PDE5A: variants seen among roughly 807,000 people sequenced by gnomAD.
The protein encoded by PDE5A is phosphodiesterase 5A, also known as cGMP-specific 3',5'-cyclic phosphodiesterase.
Under a neutral mutation model 110.2 loss-of-function variants are expected in PDE5A, and 67 were observed. The observed-to-expected ratio is 0.61, with a 90% confidence interval of 0.50 to 0.75. PDE5A has a LOEUF of 0.75. Ranked by LOEUF, PDE5A falls within the 30% of genes least tolerant of loss-of-function variation. The probability of loss-of-function intolerance (pLI) is 0.00; values close to 1 mark genes in which losing one functional copy is unlikely to be tolerated. For missense variants in PDE5A, 862 were observed against 1,045.1 expected (o/e 0.82, Z 2.42); for synonymous variants, 328 against 351.2 (o/e 0.93, Z 0.74).
intron 3 of PDE5A, among the ~76,000 whole-genome samples, chr4:119,590,193 G>A (rs1728917003): frequency 6.6e-6 from 1 of 152,150 alleles, no homozygotes; most frequent in Non-Finnish European, 1.5e-5. Flanking sequence ...ATAAGATAAT[G>A]GGTTACCTCT....
rs575097187 is a variant in PDE5A at position 119,588,890 on chromosome 4, T to C, written c.831+7633A>G. On this transcript the variant is annotated intron_variant, in intron 3 of 20. Coordinates refer to ENST00000354960, the MANE Select transcript of PDE5A (RefSeq NM_001083.4). The stretch of plus-strand genomic sequence containing the variant: ...CACGTTGTAATGAATTTATCCTAAA[T>C]TCTTGATTTTAACTGCCATATTTGC... Among the ~76,000 whole-genome samples the C allele has an allele frequency of 6.0e-4, 92 of 152,326 alleles. 1 individual carries two copies. The highest frequency in any genetic ancestry group is 6.8e-3 in the Middle Eastern group (2 of 294).
At chr4:119,611,260 CATCT>C (rs1484131689) in intron 1 of PDE5A, among the ~76,000 whole-genome samples, 1 of 152,170 alleles carries the variant, frequency 6.6e-6, no homozygotes, top group Non-Finnish European at 1.5e-5. Flanking sequence ...GTTGTTATAT[CATCT>C]ATCCCCTCTG....
At chr4:119,587,708 T>C (rs1039096119) in intron 3 of PDE5A, among the ~76,000 whole-genome samples, 47 of 152,168 alleles carry the variant, frequency 3.1e-4, no homozygotes, top group African/African-American at 1.1e-3. Context: ...CAAAAACATG[T>C]AACTAGCCAA....
In PDE5A at chr4:119,628,637, C is replaced by A. The variant is rs777717408; in HGVS notation, c.35G>T (p.Arg12Leu). 6.2e-7 allele frequency: 1 copy of A among 1,613,822 alleles called. No individual in the cohort carries two copies. Among genetic ancestry groups the A allele is most frequent in the Non-Finnish European group, 8.5e-7 (1 of 1,179,972 alleles). ...ERAGPSFGQQ[R>L]QQQQPQQQKQ... ...CTGCTGCTGGGGCTGCTGCTGCTGT[C>A]GCTGCTGCCCGAAGCTGGGGCCGGC... Residue 12 changes from arginine (R) to leucine (L), a missense_variant, in exon 1 of 21, where the codon CGA (arginine) becomes CTA (leucine). By Grantham distance (102) the Arg-to-Leu change is moderately radical (BLOSUM62 -2). Transcript: ENST00000354960.
chr4:119,602,365 G>A (rs1199064067), intron 2 of PDE5A, among the ~76,000 whole-genome samples: 1 of 152,134 alleles, frequency 6.6e-6, no homozygotes, highest in Non-Finnish European at 1.5e-5. Context: ...AGGGTGTATG[G>A]CAGTTTCTTA....
intron 3 of PDE5A, among the ~76,000 whole-genome samples, chr4:119,580,695 C>A (rs1305629663): frequency 6.6e-6 from 1 of 152,212 alleles, no homozygotes; most frequent in Non-Finnish European, 1.5e-5. Context: ...GAAACTTGCT[C>A]AAGGAATCAC....
At chr4:119,563,090 C>G in intron 5 of PDE5A, 120 bp from the exon 6 acceptor site, 1 of 719,896 alleles carries the variant, frequency 1.4e-6, no homozygotes, top group Non-Finnish European at 2.1e-6. Flanking sequence ...AGTCTGCATT[C>G]AAATATAAAT....
chr4:119,626,572 CAAGGAGAGCAG>C (rs1730354470), intron 1 of PDE5A, among the ~76,000 whole-genome samples: 1 of 152,158 alleles, frequency 6.6e-6, no homozygotes, highest in Non-Finnish European at 1.5e-5. Flanking sequence ...CGCTGTAATT[CAAGGAGAGCAG>C]AAGGCTGGGA....
chr4:119,548,044 ATTTTTTTTTTT>A (rs11438089), intron 9 of PDE5A, among the ~76,000 whole-genome samples: 1 of 94,784 alleles, frequency 1.1e-5, no homozygotes, highest in African/African-American at 4.2e-5. Context: ...TTCTCCGTGT[ATTTTTTTTTTT>A]TTTTTTTTTT....
intron 11 of PDE5A, among the ~76,000 whole-genome samples, chr4:119,533,357 G>A (rs2110479796): frequency 6.6e-6 from 1 of 152,230 alleles, no homozygotes; most frequent in South Asian, 2.1e-4. Context: ...CACCTTGACA[G>A]CTGCCACATT....
intron 14 of PDE5A, among the ~76,000 whole-genome samples, chr4:119,511,820 A>G (rs1229269048): frequency 6.6e-6 from 1 of 152,140 alleles, no homozygotes; most frequent in Non-Finnish European, 1.5e-5. Context: ...AGAGAAAGGA[A>G]AGGATATTAT....
At chr4:119,531,220 G>A (rs546148820) in intron 11 of PDE5A, among the ~76,000 whole-genome samples, 252 of 152,180 alleles carry the variant, frequency 1.7e-3, no homozygotes, top group African/African-American at 5.4e-3. Flanking sequence ...TTTTCCCCCA[G>A]TAAGCTTTCC....
intron 1 of PDE5A, among the ~76,000 whole-genome samples, chr4:119,620,007 T>G (rs886699301): frequency 6.6e-5 from 10 of 152,172 alleles, no homozygotes; most frequent in Non-Finnish European, 1.5e-4. Flanking sequence ...GAATAGATTT[T>G]CCATCACATG....
At chr4:119,595,783 G>C (rs1729131310) in intron 3 of PDE5A, among the ~76,000 whole-genome samples, 1 of 152,110 alleles carries the variant, frequency 6.6e-6, no homozygotes, top group South Asian at 2.1e-4. Context: ...AATTGCATGA[G>C]CTAATTTCCA....
intron 7 of PDE5A, among the ~76,000 whole-genome samples, chr4:119,559,481 C>A (rs1291884683): frequency 3.9e-5 from 6 of 151,918 alleles, no homozygotes; most frequent in Non-Finnish European, 8.8e-5. Context: ...AACAGAGATG[C>A]CTATATTTCT....
Position 119,627,409 on chromosome 4 carries a change from G to A in PDE5A, c.152+1111C>T. The A allele has an allele frequency of 2.0e-5, 12 of 592,500 alleles. No homozygotes were observed. Among genetic ancestry groups the A allele is most frequent in the Non-Finnish European group, 2.6e-5 (12 of 470,376 alleles). The allele number at this position is 592,500 out of a possible 1,614,324, so 36.7% of individuals were successfully genotyped here. A position where few individuals can be genotyped will look rare whatever the true frequency, so the allele number is the denominator to read the frequency against. On this transcript the variant is annotated intron_variant, in intron 1 of 20. Coordinates refer to ENST00000354960, the MANE Select transcript of PDE5A (RefSeq NM_001083.4). The surrounding 1 kb of genome is among the most constrained non-coding windows in gnomAD (Gnocchi z 4.6). ...GGCCGCGCGCCGGCGAGTGGGACCC[G>A]GGCGTCGAACCCGGGCGGGCTCCTC... is the stretch of plus-strand genomic sequence containing the variant.
In PDE5A at chr4:119,596,650, T is replaced by A. The variant is rs781074758; in HGVS notation, c.742-38A>T. ...AAGAAATTCAATTTAATGACTGACC[T>A]GTTCAAAGATTGATTTGATTTTTCT... On this transcript the variant is annotated intron_variant, in intron 2 of 20. Transcript: ENST00000354960. 8 of 1,122,756 alleles carry A rather than the reference T, an allele frequency of 7.1e-6. No homozygotes were observed. The African/African-American group carries it at 9.4e-5, about 13-fold the overall frequency. The allele number at this position is 1,122,756 out of a possible 1,614,324, so 69.5% of individuals were successfully genotyped here. A position where few individuals can be genotyped will look rare whatever the true frequency, so the allele number is the denominator to read the frequency against.
chr4:119,512,496 A>C (rs1370186250), intron 14 of PDE5A: 1 of 152,106 alleles, frequency 6.6e-6, no homozygotes, highest in East Asian at 1.9e-4. Context: ...GTTAGTTAGG[A>C]GACTACTGGG....
intron 14 of PDE5A, among the ~76,000 whole-genome samples, chr4:119,518,655 C>T (rs1157310780): frequency 6.6e-6 from 1 of 152,178 alleles, no homozygotes; most frequent in Admixed American, 6.5e-5. Context: ...CCAAAAGCCT[C>T]CTTCTACTGA....
Sources: gnomAD v4.1 joint callset for allele counts (sites outside exome capture counted in the v4.1 genomes callset) on GRCh38, gnomAD v4.1.1 for gene constraint, Gnocchi (gnomAD v3.1) non-coding constraint, MANE v1.5 for transcripts, NCBI Gene and HGNC (gene_info 2026-07-23, HGNC 2026-07-21) for gene names.